Variants in PXDNL observed in about 807,000 individuals in gnomAD.
The protein encoded by PXDNL is probable oxidoreductase PXDNL.
In PXDNL, 145 loss-of-function variants were observed where a neutral mutation model predicts 150.8. That is an observed-to-expected ratio of 0.96 (90% CI 0.84 to 1.10). PXDNL has a LOEUF of 1.10. PXDNL is among the 50% of genes least tolerant of loss of function. The probability of loss-of-function intolerance (pLI) is 0.00; values close to 1 mark genes in which losing one functional copy is unlikely to be tolerated. For missense variants in PXDNL, 2,087 were observed against 1,873.9 expected (o/e 1.11, Z -2.10); for synonymous variants, 757 against 725.7 (o/e 1.04, Z -0.69).
intron 8 of PXDNL, among the ~76,000 whole-genome samples, chr8:51,470,088 C>A (rs556855821): frequency 6.6e-6 from 1 of 151,980 alleles, no homozygotes; most frequent in South Asian, 2.1e-4. Flanking sequence ...TAACCTTGAA[C>A]ACACCATTTT....
chr8:51,370,604 G>A (rs1258515362), intron 19 of PXDNL, among the ~76,000 whole-genome samples: 1 of 152,090 alleles, frequency 6.6e-6, no homozygotes, highest in Admixed American at 6.5e-5. Flanking sequence ...AAAGACAACC[G>A]TGACTCAGGT....
At position 51,675,792 on chromosome 8, in the gene PXDNL, CAA is replaced by C. The variant is rs71550280; in HGVS notation, c.165-21034_165-21033del. On this transcript the variant is annotated intron_variant, in intron 1 of 22. Transcript: ENST00000356297. ...TGGGCGACACAGCAAGGCTCCGTCT[CAA>C]AAAAAAAAAAAAAAAAATTGCCCAG... Among the ~76,000 whole-genome samples the C allele has an allele frequency of 1.6e-3, 152 of 93,250 alleles. 1 individual carries two copies. Among genetic ancestry groups the C allele is most frequent in the African/African-American group, 6.1e-3 (141 of 22,928 alleles). 61.2% of individuals were successfully genotyped at this position (93,250 alleles called of 152,430 possible). A position where few individuals can be genotyped will look rare whatever the true frequency, so the allele number is the denominator to read the frequency against.
intron 1 of PXDNL, among the ~76,000 whole-genome samples, chr8:51,736,227 C>T (rs1026870357): frequency 1.3e-5 from 2 of 152,104 alleles, no homozygotes; most frequent in Admixed American, 6.5e-5. Flanking sequence ...TTGTCATATA[C>T]ATTTGTATAG....
At chr8:51,431,565 T>G (rs1187675170) in intron 12 of PXDNL, among the ~76,000 whole-genome samples, 1 of 152,188 alleles carries the variant, frequency 6.6e-6, no homozygotes, top group East Asian at 1.9e-4. Flanking sequence ...GGGAATAACT[T>G]TTTCTTAGCT....
chr8:51,754,911 T>G (rs2037084233), intron 1 of PXDNL, among the ~76,000 whole-genome samples: 1 of 152,204 alleles, frequency 6.6e-6, no homozygotes, highest in Admixed American at 6.5e-5. Flanking sequence ...TTTTTAGAGA[T>G]GCGGTCTCAC....
Position 51,345,772 on chromosome 8 carries a change from T to A in PXDNL, c.4016+61A>T, listed in dbSNP as rs1054396781. On this transcript the variant is annotated intron_variant, in intron 20 of 22. Coordinates refer to ENST00000356297, the MANE Select transcript of PXDNL (RefSeq NM_144651.5). ...TCTATTAAAAAAGATAAAAACAAAT[T>A]GTAGGTTTGAAGCAAATCTATAGTA... 4.1e-6 allele frequency: 4 copies of A among 973,014 alleles called. No homozygotes were observed. The African/African-American group carries it at 4.9e-5, about 12-fold the overall frequency. The allele number at this position is 973,014 out of a possible 1,614,324, so 60.3% of individuals were successfully genotyped here.
chr8:51,707,589 C>T (rs186070775), intron 1 of PXDNL, among the ~76,000 whole-genome samples: 115 of 152,160 alleles, frequency 7.6e-4, no homozygotes, highest in East Asian at 7.5e-3. Flanking sequence ...TTTTGTTAAC[C>T]GCAGATACTG....
rs372695286 is a variant in PXDNL at position 51,632,437 on chromosome 8, C to A, written c.236+22252G>T. Among the ~76,000 whole-genome samples the A allele has an allele frequency of 1.7e-4, 26 of 152,026 alleles. No homozygotes were observed. The East Asian group carries it at 4.7e-3, about 27-fold the overall frequency. Reference sequence around the variant, plus strand: ...TCAACATGGCAAAATCTTGTCTCTACAAAATGTAAAGAAAAATGAGCCAGG... The same window carrying A: ...TCAACATGGCAAAATCTTGTCTCTAAAAAATGTAAAGAAAAATGAGCCAGG... On this transcript the variant is annotated intron_variant, in intron 2 of 22. Transcript: ENST00000356297.
intron 17 of PXDNL, among the ~76,000 whole-genome samples, chr8:51,381,995 G>C (rs778408395): frequency 1.7e-4 from 26 of 152,056 alleles, no homozygotes; most frequent in Non-Finnish European, 3.7e-4. Context: ...AGAACGTGCA[G>C]GTTTGTTACA....
chr8:51,577,996 AAAG>A (rs1563471181), intron 3 of PXDNL, among the ~76,000 whole-genome samples: 1,321 of 44,038 alleles, frequency 0.03, 9 homozygotes, highest in Non-Finnish European at 0.039. Flanking sequence ...AGAAAGAAAG[AAAG>A]AGGAAGGAAG....
At chr8:51,496,105 G>T (rs1811041497) in intron 5 of PXDNL, among the ~76,000 whole-genome samples, 1 of 152,160 alleles carries the variant, frequency 6.6e-6, no homozygotes, top group African/African-American at 2.4e-5. Flanking sequence ...CTTCATCCCT[G>T]GGATGCAAGG....
intron 19 of PXDNL, among the ~76,000 whole-genome samples, chr8:51,348,669 T>C (rs575416349): frequency 5.3e-4 from 80 of 152,214 alleles, no homozygotes; most frequent in Non-Finnish European, 1.0e-3. Flanking sequence ...TCTATGTGCA[T>C]GTGTATATAT....
At chr8:51,670,727 A>G (rs947361712) in intron 1 of PXDNL, among the ~76,000 whole-genome samples, 1 of 152,184 alleles carries the variant, frequency 6.6e-6, no homozygotes, top group Non-Finnish European at 1.5e-5. Flanking sequence ...AGATTTTACT[A>G]TGAGATTTGT....
At chr8:51,662,959 G>A (rs2130815332) in intron 1 of PXDNL, among the ~76,000 whole-genome samples, 1 of 152,266 alleles carries the variant, frequency 6.6e-6, no homozygotes, top group African/African-American at 2.4e-5. Context: ...TTTTTTAAAT[G>A]AATCTGGCTT....
intron 8 of PXDNL, among the ~76,000 whole-genome samples, chr8:51,468,981 C>T (rs546495304): frequency 3.9e-4 from 59 of 152,020 alleles, no homozygotes; most frequent in South Asian, 1.7e-3. Flanking sequence ...TTGCTTTTTG[C>T]AAATCACATC....
chr8:51,609,918 C>G (rs1007068349), intron 2 of PXDNL, among the ~76,000 whole-genome samples: 2 of 152,206 alleles, frequency 1.3e-5, no homozygotes, highest in East Asian at 3.8e-4. Context: ...AGGGGGTTCT[C>G]TGTCCCACTG....
chr8:51,660,299 CA>C (rs1815245474), intron 1 of PXDNL, among the ~76,000 whole-genome samples: 2 of 152,152 alleles, frequency 1.3e-5, no homozygotes, highest in Non-Finnish European at 2.9e-5. Context: ...AGACTGAATG[CA>C]AAATGTCGTT....
intron 2 of PXDNL, among the ~76,000 whole-genome samples, chr8:51,628,203 G>C (rs1814402324): frequency 6.6e-6 from 1 of 151,980 alleles, no homozygotes; most frequent in Admixed American, 6.6e-5. Context: ...GCATTTTTTG[G>C]CTGATCTCTT....
intron 3 of PXDNL, among the ~76,000 whole-genome samples, chr8:51,567,136 A>G (rs1196898758): frequency 6.6e-6 from 1 of 151,714 alleles, no homozygotes; most frequent in African/African-American, 2.4e-5. Context: ...GTGGTTTGAG[A>G]ACATACTTTG....
Sources: allele counts gnomAD v4.1 joint callset (sites outside exome capture counted in the v4.1 genomes callset), GRCh38; gene constraint gnomAD v4.1.1; transcripts MANE v1.5; gene names NCBI Gene and HGNC (gene_info 2026-07-23, HGNC 2026-07-21).